The following ROBO2 variants were observed in gnomAD, a reference collection of about 807,000 sequenced individuals.
The protein encoded by ROBO2 is roundabout homolog 2.
Under a neutral mutation model 160.8 loss-of-function variants are expected in ROBO2, and 53 were observed. The observed-to-expected ratio is 0.33, with a 90% confidence interval of 0.26 to 0.41. The LOEUF is 0.41. ROBO2 is among the 10% of genes least tolerant of loss of function. The pLI is 1.00. For synonymous variants in ROBO2, 664 were observed against 611.7 expected, an observed-to-expected ratio of 1.09 and a Z score of -1.26; for missense variants, 1,577 against 1,722.4, an observed-to-expected ratio of 0.92 and a Z score of 1.49.
At chr3:76,110,281 G>A (rs994466546) in intron 2 of ROBO2, among the ~76,000 whole-genome samples, 1 of 151,890 alleles carries the variant, frequency 6.6e-6, no homozygotes, top group African/African-American at 2.4e-5. Context: ...ACCCTACCAG[G>A]TAAGTACTAT....
At chr3:76,093,848 T>A (rs59410938) in intron 2 of ROBO2, among the ~76,000 whole-genome samples, 1 of 152,166 alleles carries the variant, frequency 6.6e-6, no homozygotes, top group African/African-American at 2.4e-5. Flanking sequence ...TTCTGTGTTA[T>A]CAACTTTTAG....
rs141515619 is a variant in ROBO2 at position 76,442,801 on chromosome 3, G to A, written c.109+505199G>A. Among the ~76,000 whole-genome samples the A allele has an allele frequency of 8.9e-3, 1,354 of 152,088 alleles. 30 individuals carry two copies. Among genetic ancestry groups the A allele is most frequent in the South Asian group, 0.049 (235 of 4,812 alleles). ...CCAGAGTGACTATTGCAGAATCTCA[G>A]TGTTTGCGTTCAAGTAACCCTTTTT... is the stretch of plus-strand genomic sequence containing the variant. On this transcript the variant is annotated intron_variant, in intron 2 of 26. Transcript: ENST00000487694.
At chr3:77,610,741 C>CAAA (rs71629658) in intron 21 of ROBO2, among the ~76,000 whole-genome samples, 22 of 19,830 alleles carry the variant, frequency 1.1e-3, no homozygotes, top group East Asian at 4.3e-3. Context: ...GGCCAAAGAC[C>CAAA]AAAAAAAAAA....
At chr3:77,200,346 A>T (rs2082789542) in intron 2 of ROBO2, among the ~76,000 whole-genome samples, 1 of 129,866 alleles carries the variant, frequency 7.7e-6, no homozygotes, top group Admixed American at 7.8e-5. Flanking sequence ...GGTAAAGGGA[A>T]TAAAGCAGGA....
At chr3:76,629,941 T>A (rs191694285) in intron 2 of ROBO2, among the ~76,000 whole-genome samples, 2 of 152,300 alleles carry the variant, frequency 1.3e-5, no homozygotes, top group East Asian at 3.9e-4. Flanking sequence ...ACATGCTTGC[T>A]GTGCCTCCAT....
intron 2 of ROBO2, among the ~76,000 whole-genome samples, chr3:77,203,438 A>G (rs1369630103): frequency 2.0e-5 from 3 of 152,190 alleles, no homozygotes; most frequent in African/African-American, 4.8e-5. Context: ...GTAAAAATAA[A>G]TCAGGTTTTA....
chr3:77,053,243 A>C lies in ROBO2; in HGVS notation c.61+12397A>C, dbSNP rs140562296. ...CCATACTGTTTTTCAGCATGATTCC[A>C]ACATTAAGCAGGCTGTTAATATTTA... On this transcript the variant is annotated intron_variant, in intron 1 of 25. Transcript: ENST00000461745. Among the ~76,000 whole-genome samples, 457 of 152,342 alleles carry C rather than the reference A, an allele frequency of 3.0e-3. 20 individuals are homozygous for C. The East Asian group carries it at 0.08, about 27-fold the overall frequency.
intron 2 of ROBO2, among the ~76,000 whole-genome samples, chr3:77,375,682 A>G (rs148468542): frequency 1.4e-4 from 22 of 152,316 alleles, no homozygotes; most frequent in African/African-American, 4.6e-4. Context: ...AGGAGTATGT[A>G]AAACCCGAGG....
Position 77,295,452 on chromosome 3 carries a change from A to G in ROBO2, c.389-181962A>G, listed in dbSNP as rs537304086. On this transcript the variant is annotated intron_variant, in intron 2 of 25. Coordinates refer to ENST00000461745, the Ensembl canonical transcript of ROBO2. ...AAGTTGAGGCTAGAACAGTAAAGAC[A>G]TAAAGTAAAATTGACGGTTAAATGG... is the stretch of plus-strand genomic sequence containing the variant. 5.3e-5 allele frequency among the ~76,000 whole-genome samples: 8 copies of G among 150,906 alleles called. No individual in the cohort carries two copies. In the East Asian group the frequency reaches 7.8e-4, roughly 15 times the overall value.
chr3:76,403,587 T>A (rs1053847184), intron 2 of ROBO2, among the ~76,000 whole-genome samples: 1 of 151,562 alleles, frequency 6.6e-6, no homozygotes, highest in Admixed American at 6.6e-5. Context: ...CAATGTTTAC[T>A]CCACTACATA....
chr3:77,155,114 G>A (rs1463849415), intron 2 of ROBO2, among the ~76,000 whole-genome samples: 1 of 152,006 alleles, frequency 6.6e-6, no homozygotes, highest in African/African-American at 2.4e-5. Flanking sequence ...TGAAATTACT[G>A]GACGTATGGT....
chr3:76,413,443 T>C lies in ROBO2; in HGVS notation c.109+475841T>C, dbSNP rs151165486. 2.8e-3 allele frequency among the ~76,000 whole-genome samples: 430 copies of C among 152,332 alleles called. 1 individual carries two copies. The highest frequency in any genetic ancestry group is 1.0e-2 in the African/African-American group (415 of 41,584). On this transcript the variant is annotated intron_variant, in intron 2 of 26. Transcript: ENST00000487694. ...TTTTCCAAACTTTTATGCTCCACTT[T>C]CCTTATAAAACTGAATGCCTTTAAC... is the stretch of plus-strand genomic sequence containing the variant.
At chr3:77,187,091 A>G (rs1478910344) in intron 2 of ROBO2, among the ~76,000 whole-genome samples, 4 of 152,048 alleles carry the variant, frequency 2.6e-5, no homozygotes, top group East Asian at 3.9e-4. Context: ...GAAGACATCA[A>G]TAAGACTGAT....
At chr3:77,301,548 T>C (rs1339297776) in intron 2 of ROBO2, among the ~76,000 whole-genome samples, 3 of 152,218 alleles carry the variant, frequency 2.0e-5, no homozygotes, top group Non-Finnish European at 4.4e-5. Flanking sequence ...ACTTATCAAA[T>C]ATTTAAAATG....
At chr3:76,406,810 T>C (rs936950729) in intron 2 of ROBO2, among the ~76,000 whole-genome samples, 1 of 151,954 alleles carries the variant, frequency 6.6e-6, no homozygotes. Context: ...TATTTAGACA[T>C]TTTTGCAAAG....
intron 2 of ROBO2, among the ~76,000 whole-genome samples, chr3:76,951,159 T>A (rs2078932095): frequency 6.6e-6 from 1 of 152,218 alleles, no homozygotes; most frequent in African/African-American, 2.4e-5. Context: ...TATTCAGAAA[T>A]TTTAAACCAC....
intron 2 of ROBO2, among the ~76,000 whole-genome samples, chr3:76,867,579 C>G (rs1016930573): frequency 2.0e-5 from 3 of 152,182 alleles, no homozygotes; most frequent in African/African-American, 7.2e-5. Flanking sequence ...AATGCAACCA[C>G]GATGGACTTG....
At chr3:76,026,129 C>A (rs907104071) in intron 2 of ROBO2, among the ~76,000 whole-genome samples, 1 of 151,852 alleles carries the variant, frequency 6.6e-6, no homozygotes, top group Non-Finnish European at 1.5e-5. Flanking sequence ...GACCGATTAA[C>A]CATTGAATGA....
Position 77,280,378 on chromosome 3 carries a change from A to G in ROBO2, c.388+182038A>G, listed in dbSNP as rs114310787. Among the ~76,000 whole-genome samples the G allele has an allele frequency of 1.3e-3, 201 of 152,276 alleles. 1 individual carries two copies. The highest frequency in any genetic ancestry group is 4.6e-3 in the African/African-American group (192 of 41,556). On this transcript the variant is annotated intron_variant, in intron 2 of 25. Transcript: ENST00000461745. ...TAATTTAAATCTAGGGTTGATAAATATGTGAATTCTTTGCCTTTCTAGATA... is the reference window on the plus strand; with the variant it reads ...TAATTTAAATCTAGGGTTGATAAATGTGTGAATTCTTTGCCTTTCTAGATA...
Sources: gnomAD v4.1 joint callset for allele counts (sites outside exome capture counted in the v4.1 genomes callset) on GRCh38, gnomAD v4.1.1 for gene constraint, MANE v1.5 for transcripts, NCBI Gene and HGNC (gene_info 2026-07-23, HGNC 2026-07-21) for gene names.